NEDD4L: variants seen among roughly 807,000 people sequenced by gnomAD.
The protein encoded by NEDD4L is E3 ubiquitin-protein ligase NEDD4-like.
NEDD4L carries 54 observed loss-of-function variants against 148.9 expected under a neutral mutation model. The ratio of observed to expected loss-of-function variants is 0.36; its 90% CI spans 0.29 to 0.45. The LOEUF (loss-of-function observed/expected upper bound fraction) is 0.45. Ranked by LOEUF, NEDD4L falls within the 20% of genes least tolerant of loss-of-function variation. The pLI, the probability that NEDD4L is intolerant of heterozygous loss-of-function variation, is 1.00. For synonymous variants in NEDD4L, 433 were observed against 440.7 expected (o/e 0.98, Z 0.22); for missense variants, 856 against 1,233.8 (o/e 0.69, Z 4.59).
intron 5 of NEDD4L, among the ~76,000 whole-genome samples, chr18:58,302,744 G>A (rs971684459): frequency 2.0e-5 from 3 of 152,228 alleles, no homozygotes; most frequent in African/African-American, 4.8e-5. Flanking sequence ...TCCAGATGAG[G>A]ACCCTTGTCC....
At chr18:58,171,500 G>C (rs13381636) in intron 2 of NEDD4L, among the ~76,000 whole-genome samples, 31,541 of 141,218 alleles carry the variant, frequency 0.22, 5,045 homozygotes, top group East Asian at 0.42. Flanking sequence ...TGTAGTGGGT[G>C]TACAAGTTCC....
chr18:58,049,638 TA>T (rs2081763272), intron 1 of NEDD4L, among the ~76,000 whole-genome samples: 1 of 152,206 alleles, frequency 6.6e-6, no homozygotes, highest in Non-Finnish European at 1.5e-5. Flanking sequence ...TGGTGACATT[TA>T]AAATCAGTTT....
At chr18:58,178,437 C>G (rs1431653722) in intron 2 of NEDD4L, among the ~76,000 whole-genome samples, 3 of 116,872 alleles carry the variant, frequency 2.6e-5, no homozygotes, top group Admixed American at 1.9e-4. Flanking sequence ...AGAAAACGCT[C>G]TCACTGCTTT....
At chr18:58,118,898 C>T (rs1031496002) in intron 1 of NEDD4L, among the ~76,000 whole-genome samples, 9 of 152,114 alleles carry the variant, frequency 5.9e-5, no homozygotes, top group African/African-American at 1.7e-4. Context: ...GCCCCCCAAG[C>T]GGAACTGGGT....
chr18:58,218,186 TC>T (rs1392606909), intron 2 of NEDD4L, among the ~76,000 whole-genome samples: 1 of 152,218 alleles, frequency 6.6e-6, no homozygotes. Context: ...TTTATATACT[TC>T]CTTTGCTTTG....
intron 9 of NEDD4L, 128 bp from the exon 10 acceptor site, chr18:58,328,867 A>G (rs1484740065): frequency 1.1e-6 from 1 of 910,876 alleles, no homozygotes; most frequent in Non-Finnish European, 1.7e-6. Flanking sequence ...TTGGATGACC[A>G]GCTAGTTGTC....
At chr18:58,157,026 GAA>G (rs71173036) in intron 1 of NEDD4L, among the ~76,000 whole-genome samples, 4,908 of 143,394 alleles carry the variant, frequency 0.034, 92 homozygotes, top group South Asian at 0.038. Context: ...AAAAATACAG[GAA>G]AAAAAAAAAA....
At chr18:58,303,901 A>G (rs1313903644) in intron 5 of NEDD4L, among the ~76,000 whole-genome samples, 1 of 152,256 alleles carries the variant, frequency 6.6e-6, no homozygotes, top group Non-Finnish European at 1.5e-5. Flanking sequence ...GAGTTAAAGA[A>G]AAATGAACAC....
chr18:58,312,877 G>A (rs1425095785), intron 5 of NEDD4L, among the ~76,000 whole-genome samples: 1 of 152,132 alleles, frequency 6.6e-6, no homozygotes, highest in African/African-American at 2.4e-5. Flanking sequence ...ATGGGATTTC[G>A]CCATATTGGC....
At chr18:58,308,395 A>G (rs1038583875) in intron 5 of NEDD4L, among the ~76,000 whole-genome samples, 6 of 152,224 alleles carry the variant, frequency 3.9e-5, no homozygotes, top group African/African-American at 9.6e-5. Context: ...TGTCAGTGGC[A>G]TTTGTGCAGC....
At chr18:58,282,570 C>T (rs1016861723) in intron 5 of NEDD4L, among the ~76,000 whole-genome samples, 1 of 152,146 alleles carries the variant, frequency 6.6e-6, no homozygotes, top group African/African-American at 2.4e-5. Context: ...TGAATTTTGG[C>T]TTATGTCAGT....
intron 1 of NEDD4L, among the ~76,000 whole-genome samples, chr18:58,104,361 G>A (rs1452404264): frequency 6.6e-6 from 1 of 152,160 alleles, no homozygotes; most frequent in East Asian, 1.9e-4. Flanking sequence ...AGGAACAACT[G>A]CTTAATGGAT....
chr18:58,373,518 CTAATCCAAA>C (rs2047167451), intron 24 of NEDD4L, among the ~76,000 whole-genome samples: 1 of 152,206 alleles, frequency 6.6e-6, no homozygotes, highest in Non-Finnish European at 1.5e-5. Flanking sequence ...AGCACCTCTT[CTAATCCAAA>C]GCAAATGTGA....
At position 58,364,348 on chromosome 18, in the gene NEDD4L, C is replaced by T; in HGVS notation, c.1833+15C>T. On this transcript the variant is annotated intron_variant, in intron 20 of 30. Transcript: ENST00000400345. ...TAAAGAAACCTGTGAGTAATCATGCCTTCCAAAAATGCTTTGTGTTAGTCA... is the reference window on the plus strand; with the variant it reads ...TAAAGAAACCTGTGAGTAATCATGCTTTCCAAAAATGCTTTGTGTTAGTCA... The T allele has an allele frequency of 2.0e-6, 3 of 1,521,302 alleles. No homozygotes were observed. The highest frequency in any genetic ancestry group is 2.7e-6 in the Non-Finnish European group (3 of 1,121,910). The allele number at this position is 1,521,302 out of a possible 1,614,324, so 94.2% of individuals were successfully genotyped here. A position where few individuals can be genotyped will look rare whatever the true frequency, so the allele number is the denominator to read the frequency against.
chr18:58,329,114 G>T lies in NEDD4L; in HGVS notation c.800G>T (p.Gly267Val). ...EDLEPEPSEG[G>V]DVPEPWETIS... Reference sequence around the variant, plus strand: ...TTGGAGCCCGAGCCCTCGGAGGGCGGGGATGTCCCCGAGGTACGATGTCCC... The same window carrying T: ...TTGGAGCCCGAGCCCTCGGAGGGCGTGGATGTCCCCGAGGTACGATGTCCC... The change falls in exon 10 of 31, where the codon GGG (glycine) becomes GTG (valine). Residue 267 changes from glycine (G) to valine (V), a missense_variant. Around this residue, in one of 4 missense-constraint regions of NEDD4L, gnomAD observed 367 missense variants for 422.7 expected, o/e 0.87. Coordinates refer to ENST00000400345, the MANE Select transcript of NEDD4L (RefSeq NM_001144967.3). 6.2e-7 allele frequency: 1 copy of T among 1,613,918 alleles called. No individual in the cohort carries two copies. The highest frequency in any genetic ancestry group is 8.5e-7 in the Non-Finnish European group (1 of 1,179,868).
intron 1 of NEDD4L, among the ~76,000 whole-genome samples, chr18:58,095,922 A>ATTT (rs112190104): frequency 6.8e-6 from 1 of 147,106 alleles, no homozygotes. Flanking sequence ...CTTTTGTGTG[A>ATTT]TTTTTTTTTT....
At chr18:58,128,294 G>A (rs776548927) in intron 1 of NEDD4L, among the ~76,000 whole-genome samples, 22 of 152,102 alleles carry the variant, frequency 1.4e-4, no homozygotes, top group Admixed American at 3.9e-4. Flanking sequence ...TGATCCACCC[G>A]CCTCGGCCTC....
Position 58,079,465 on chromosome 18 carries a change from C to T in NEDD4L, c.48+34757C>T, listed in dbSNP as rs201982072. 2.2e-3 allele frequency among the ~76,000 whole-genome samples: 336 copies of T among 152,326 alleles called. 2 individuals are homozygous for T. The highest frequency in any genetic ancestry group is 7.6e-3 in the African/African-American group (317 of 41,564). ...TAAAAACTCTCACTTTCAACTTTCA[C>T]GACACCCTATAACTTAGGTAACTGC... On this transcript the variant is annotated intron_variant, in intron 1 of 30. Transcript: ENST00000400345.
At chr18:58,243,659 C>T (rs962571429) in intron 2 of NEDD4L, among the ~76,000 whole-genome samples, 6 of 152,134 alleles carry the variant, frequency 3.9e-5, no homozygotes, top group Admixed American at 3.9e-4. Flanking sequence ...TAGGAAGGTG[C>T]TTATGGGAGC....
Sources: allele counts gnomAD v4.1 joint callset (sites outside exome capture counted in the v4.1 genomes callset), GRCh38; gene constraint gnomAD v4.1.1; regional missense constraint gnomAD v4.1.1; transcripts MANE v1.5; gene names NCBI Gene and HGNC (gene_info 2026-07-23, HGNC 2026-07-21).